Variants in MSI2 observed in about 807,000 individuals in gnomAD.
The protein encoded by MSI2 is musashi RNA binding protein 2.
A neutral mutation model predicts 45.6 loss-of-function variants in MSI2; 17 were observed. The ratio of observed to expected loss-of-function variants is 0.37; its 90% CI spans 0.26 to 0.56. MSI2 has a LOEUF of 0.56. MSI2 is among the 20% of genes least tolerant of loss of function. MSI2 has a pLI of 0.77. For synonymous variants in MSI2, 156 were observed against 158.2 expected, an observed-to-expected ratio of 0.99 and a Z score of 0.11; for missense variants, 293 against 444.2, an observed-to-expected ratio of 0.66 and a Z score of 3.06.
chr17:57,513,730 C>A (rs376664922), intron 6 of MSI2, among the ~76,000 whole-genome samples: 2 of 152,210 alleles, frequency 1.3e-5, no homozygotes, highest in Admixed American at 6.5e-5. Flanking sequence ...CTCTGGCCAG[C>A]TCCTTGTGCT....
rs749045445 is a variant in MSI2, at chr17:57,616,024, G to A, written c.592G>A (p.Gly198Ser). 5 of 1,614,204 alleles carry A rather than the reference G, an allele frequency of 3.1e-6. No individual in the cohort carries two copies. The East Asian group carries it at 1.1e-4, about 36-fold the overall frequency. The change falls in exon 9 of 14, where the codon GGC (glycine) becomes AGC (serine). Residue 198 changes from glycine to serine, a missense_variant. By Grantham distance (56) the Gly-to-Ser change is moderately conservative (BLOSUM62 0). Transcript: ENST00000284073. Reference sequence around the variant, plus strand: ...AGTCATGTTCCCACCTGGGACAAGAGGCCGGGCCCGGGGACTGCCTTACAC... The same window carrying A: ...AGTCATGTTCCCACCTGGGACAAGAAGCCGGGCCCGGGGACTGCCTTACAC... ...KEVMFPPGTR[G>S]RARGLPYTMD...
intron 5 of MSI2, among the ~76,000 whole-genome samples, chr17:57,366,360 C>T (rs781462049): frequency 7.9e-5 from 12 of 152,238 alleles, no homozygotes; most frequent in Admixed American, 1.3e-4. Flanking sequence ...TCTCACGCCT[C>T]TTCCCTCCCC....
chr17:57,437,455 G>T (rs1445601144), intron 6 of MSI2, among the ~76,000 whole-genome samples: 2 of 152,196 alleles, frequency 1.3e-5, no homozygotes, highest in African/African-American at 4.8e-5. Flanking sequence ...TCATTCCTGG[G>T]GATGATGGTT....
chr17:57,460,776 G>A (rs1469005637), intron 6 of MSI2, among the ~76,000 whole-genome samples: 1 of 152,108 alleles, frequency 6.6e-6, no homozygotes, highest in Non-Finnish European at 1.5e-5. Context: ...AGCCTTCAAG[G>A]GGAGGTCACC....
chr17:57,699,385 T>A, the MSI2 span, among the ~76,000 whole-genome samples: 2 of 151,662 alleles, frequency 1.3e-5, no homozygotes, highest in Non-Finnish European at 2.9e-5. Flanking sequence ...CAGAATTGCA[T>A]TGGTAAGACC....
intron 5 of MSI2, among the ~76,000 whole-genome samples, chr17:57,319,742 A>T (rs1485259259): frequency 6.6e-6 from 1 of 152,136 alleles, no homozygotes; most frequent in Non-Finnish European, 1.5e-5. Context: ...CCTCCCTAGT[A>T]GCTGGGACCA....
intron 5 of MSI2, among the ~76,000 whole-genome samples, chr17:57,325,987 C>A (rs1913757320): frequency 6.6e-6 from 1 of 152,084 alleles, no homozygotes. Flanking sequence ...TCTGCTGGTC[C>A]CTCTGCTGGG....
chr17:57,389,567 G>T (rs1315114495), intron 5 of MSI2, among the ~76,000 whole-genome samples: 2 of 152,192 alleles, frequency 1.3e-5, no homozygotes, highest in Non-Finnish European at 2.9e-5. Flanking sequence ...TTGAATGTAA[G>T]CATCTTTGGA....
chr17:57,308,622 A>G (rs1912116750), intron 5 of MSI2, among the ~76,000 whole-genome samples: 1 of 152,124 alleles, frequency 6.6e-6, no homozygotes, highest in Non-Finnish European at 1.5e-5. Flanking sequence ...TGGTATGGAC[A>G]GGTGTATACT....
At chr17:57,476,424 A>G (rs2085539334) in intron 6 of MSI2, among the ~76,000 whole-genome samples, 1 of 152,176 alleles carries the variant, frequency 6.6e-6, no homozygotes, top group Non-Finnish European at 1.5e-5. Flanking sequence ...AGAGTGGCCT[A>G]CTGGGGTGCA....
chr17:57,404,517 T>C (rs1376417680), intron 6 of MSI2, among the ~76,000 whole-genome samples: 1 of 152,126 alleles, frequency 6.6e-6, no homozygotes, highest in Non-Finnish European at 1.5e-5. Flanking sequence ...GTCACCCAGG[T>C]AAGACAGTGT....
chr17:57,259,103 C>T (rs1041195507), intron 4 of MSI2, among the ~76,000 whole-genome samples: 1 of 152,030 alleles, frequency 6.6e-6, no homozygotes, highest in African/African-American at 2.4e-5. Flanking sequence ...TATAACAATA[C>T]ATTTAATGGG....
intron 6 of MSI2, among the ~76,000 whole-genome samples, chr17:57,498,782 T>C (rs1216621037): frequency 6.6e-6 from 1 of 152,134 alleles, no homozygotes; most frequent in Non-Finnish European, 1.5e-5. Context: ...TTTTTTTAAA[T>C]TATACTTTAA....
chr17:57,461,721 G>A (rs760787965), intron 6 of MSI2, among the ~76,000 whole-genome samples: 7 of 152,012 alleles, frequency 4.6e-5, no homozygotes, highest in Non-Finnish European at 8.8e-5. Flanking sequence ...TTTTAGTAGA[G>A]ACAGGTTTCA....
At chr17:57,383,683 G>A (rs900273469) in intron 5 of MSI2, among the ~76,000 whole-genome samples, 1 of 152,106 alleles carries the variant, frequency 6.6e-6, no homozygotes, top group Non-Finnish European at 1.5e-5. Context: ...TAATAAAATA[G>A]AAATCATTTC....
At chr17:57,345,754 G>A (rs1398799747) in intron 5 of MSI2, among the ~76,000 whole-genome samples, 1 of 150,744 alleles carries the variant, frequency 6.6e-6, no homozygotes, top group Non-Finnish European at 1.5e-5. Flanking sequence ...AGGTGGTGGA[G>A]GTTGCAGCGA....
At chr17:57,687,098 G>A (rs1052211818), downstream of MSI2, among the ~76,000 whole-genome samples, 1 of 146,124 alleles carries the variant, frequency 6.8e-6, no homozygotes, top group African/African-American at 2.6e-5. Context: ...TGTTGGATCA[G>A]AGAGAAAAGT....
rs538329568 is a variant in MSI2 at position 57,562,757 on chromosome 17, G to T, written c.454+33033G>T. On this transcript the variant is annotated intron_variant, in intron 7 of 13. Coordinates refer to ENST00000284073, the MANE Select transcript of MSI2 (RefSeq NM_138962.4). The stretch of plus-strand genomic sequence containing the variant: ...AGGGACTGCACGAATGGAGAGATAA[G>T]TCTTGGTGTGTGAATTGCACACGGA... Among the ~76,000 whole-genome samples the T allele has an allele frequency of 2.7e-3, 414 of 152,292 alleles. 3 individuals are homozygous for T. The highest frequency in any genetic ancestry group is 9.6e-3 in the African/African-American group (397 of 41,556).
rs575910149 is a variant in MSI2 at position 57,508,787 on chromosome 17, A to T, written c.406-20889A>T. 5.9e-5 allele frequency among the ~76,000 whole-genome samples: 9 copies of T among 152,264 alleles called. No individual in the cohort carries two copies. The South Asian group carries it at 1.9e-3, about 32-fold the overall frequency. The stretch of plus-strand genomic sequence containing the variant: ...ACTGGGAGATGTAGGGCACCTGCTG[A>T]TGGCAGACAGTGGGCTGTGCTGGGA... On this transcript the variant is annotated intron_variant, in intron 6 of 13. Transcript: ENST00000284073.
Sources: allele counts gnomAD v4.1 joint callset (sites outside exome capture counted in the v4.1 genomes callset), GRCh38; gene constraint gnomAD v4.1.1; transcripts MANE v1.5; gene names NCBI Gene and HGNC (gene_info 2026-07-23, HGNC 2026-07-21).